The following FAM193A variants were observed in gnomAD, a reference collection of about 807,000 sequenced individuals.
The protein encoded by FAM193A is family with sequence similarity 193 member A.
A neutral mutation model predicts 126.5 loss-of-function variants in FAM193A; 22 were observed. The observed-to-expected ratio is 0.17, with a 90% CI of 0.12 to 0.25. FAM193A has a LOEUF of 0.25. FAM193A is among the 10% of genes least tolerant of loss of function. The probability of loss-of-function intolerance (pLI) is 1.00; values close to 1 mark genes in which losing one functional copy is unlikely to be tolerated. For missense variants in FAM193A, 1,675 were observed against 1,672.8 expected, an observed-to-expected ratio of 1.00 and a Z score of -0.02; for synonymous variants, 761 against 646.8, an observed-to-expected ratio of 1.18 and a Z score of -2.68.
Position 2,590,472 on chromosome 4 carries a change from A to C in FAM193A, c.256-5612A>C, listed in dbSNP as rs1378210698. Reference sequence around the variant, plus strand: ...GAGCGAGACTCCATCTCAAAAAAAAAAAACAAAAAAAAACAAAAAAAAACA... The same window carrying C: ...GAGCGAGACTCCATCTCAAAAAAAACAAACAAAAAAAAACAAAAAAAAACA... On this transcript the variant is annotated intron_variant, in intron 1 of 20. Transcript: ENST00000637812. 1.3e-3 allele frequency among the ~76,000 whole-genome samples: 107 copies of C among 85,500 alleles called. 7 individuals are homozygous for C. The highest frequency in any genetic ancestry group is 3.3e-3 in the African/African-American group (46 of 14,084). The allele number at this position is 85,500 out of a possible 152,430, so 56.1% of individuals were successfully genotyped here. A position where few individuals can be genotyped will look rare whatever the true frequency, so the allele number is the denominator to read the frequency against.
Position 2,696,431 on chromosome 4 carries a change from G to A in FAM193A, c.3345G>A (p.Lys1115=). ...MREKLRLRLT[K]RKEEQPKKMD... ...AAAAGCTTCGCTTACGGCTGACCAA[G>A]AGGAAAGAGGAGCAACCTAAAAAAA... The change falls in exon 18 of 21, where the codon AAG becomes AAA. Residue 1115 remains lysine, a synonymous_variant. Coordinates refer to ENST00000637812, the MANE Select transcript of FAM193A (RefSeq NM_001366318.2). 3 of 1,614,222 alleles carry A rather than the reference G, an allele frequency of 1.9e-6. No homozygotes were observed.
intron 7 of FAM193A, among the ~76,000 whole-genome samples, chr4:2,656,039 G>A (rs925091992): frequency 1.3e-5 from 2 of 152,068 alleles, no homozygotes; most frequent in African/African-American, 4.8e-5. Context: ...CTCCTGCTTT[G>A]GCCTACCAAA....
At chr4:2,552,832 C>G (rs142862308) in intron 1 of FAM193A, among the ~76,000 whole-genome samples, 1 of 149,506 alleles carries the variant, frequency 6.7e-6, no homozygotes, top group Non-Finnish European at 1.5e-5. Flanking sequence ...CCACCGCGCC[C>G]GGCCACAGAA....
chr4:2,697,588 A>G (rs558050244), intron 18 of FAM193A, among the ~76,000 whole-genome samples: 1 of 152,290 alleles, frequency 6.6e-6, no homozygotes, highest in South Asian at 2.1e-4. Flanking sequence ...GTCAGGCAAA[A>G]AGGTGAGGAA....
At chr4:2,621,057 C>T (rs998442321) in intron 2 of FAM193A, among the ~76,000 whole-genome samples, 7 of 151,988 alleles carry the variant, frequency 4.6e-5, no homozygotes, top group African/African-American at 1.7e-4. Flanking sequence ...TCCCTGAGGT[C>T]CTGCAGGCTG....
At chr4:2,623,155 C>T (rs1560489097) in intron 2 of FAM193A, among the ~76,000 whole-genome samples, 4 of 152,022 alleles carry the variant, frequency 2.6e-5, no homozygotes, top group African/African-American at 2.4e-5. Flanking sequence ...GTGCTGGCGG[C>T]AGCTGAGCTG....
intron 7 of FAM193A, among the ~76,000 whole-genome samples, chr4:2,650,515 CA>C (rs1455265681): frequency 1.3e-5 from 2 of 152,174 alleles, no homozygotes; most frequent in Non-Finnish European, 2.9e-5. Context: ...TAGGGGAAGC[CA>C]AGACCACCCT....
At chr4:2,621,433 G>T in intron 2 of FAM193A, among the ~76,000 whole-genome samples, 1 of 152,174 alleles carries the variant, frequency 6.6e-6, no homozygotes, top group East Asian at 1.9e-4. Context: ...CACTGACTAA[G>T]GGTACGAGGC....
At chr4:2,573,621 G>C (rs750643394) in intron 1 of FAM193A, among the ~76,000 whole-genome samples, 6 of 152,026 alleles carry the variant, frequency 3.9e-5, no homozygotes, top group Non-Finnish European at 7.4e-5. Context: ...CCGTGGCTGC[G>C]GTCCCTCAGT....
intron 16 of FAM193A, 137 bp from the exon 17 acceptor site, chr4:2,694,809 T>C (rs1358840084): frequency 3.5e-5 from 23 of 665,872 alleles, no homozygotes; most frequent in Non-Finnish European, 5.1e-5. Flanking sequence ...GACTCCCTAG[T>C]AACCCTGGGA....
chr4:2,727,862 G>A (rs1257928777), intron 20 of FAM193A, among the ~76,000 whole-genome samples: 1 of 151,854 alleles, frequency 6.6e-6, no homozygotes, highest in Non-Finnish European at 1.5e-5. Flanking sequence ...AGTTCAGGCC[G>A]AAGTGAAGTG....
intron 19 of FAM193A, among the ~76,000 whole-genome samples, chr4:2,704,033 C>T (rs1208303407): frequency 5.3e-5 from 8 of 151,550 alleles, no homozygotes; most frequent in Non-Finnish European, 1.0e-4. Flanking sequence ...GTTGGGAGGC[C>T]GAGGGAGGCG....
At chr4:2,650,418 G>A (rs1745543092) in intron 7 of FAM193A, among the ~76,000 whole-genome samples, 1 of 152,164 alleles carries the variant, frequency 6.6e-6, no homozygotes, top group Non-Finnish European at 1.5e-5. Context: ...AAAACAGAAG[G>A]CGAGGGGCCG....
chr4:2,631,079 G>T lies in FAM193A; in HGVS notation c.948G>T (p.Pro316=), dbSNP rs754335021. The T allele has an allele frequency of 4.2e-5, 67 of 1,613,696 alleles. No homozygotes were observed. Among genetic ancestry groups the T allele is most frequent in the Non-Finnish European group, 5.7e-5 (67 of 1,179,994 alleles). Residue 316 remains proline (P), a synonymous_variant, in exon 5 of 21, where the codon CCG becomes CCT. Coordinates refer to ENST00000637812, the MANE Select transcript of FAM193A (RefSeq NM_001366318.2). ...VKAPSGLQGP[P]QAHQFISLLL... ...CACCATCTGGCCTGCAGGGCCCGCC[G>T]CAAGCGCACCAGTTCATCTCCCTCC...
intron 2 of FAM193A, 33 bp downstream of exon 2, chr4:2,596,362 G>A (rs767737044): frequency 1.6e-5 from 11 of 692,548 alleles, no homozygotes; most frequent in Middle Eastern, 3.3e-4. Flanking sequence ...AGCGCAGGGC[G>A]TTGGCTCCCC....
chr4:2,642,728 C>A (rs1260264595), intron 6 of FAM193A, among the ~76,000 whole-genome samples: 1 of 150,588 alleles, frequency 6.6e-6, no homozygotes, highest in African/African-American at 2.5e-5. Flanking sequence ...CATAAAACTC[C>A]CATCTTTTTT....
intron 1 of FAM193A, among the ~76,000 whole-genome samples, chr4:2,547,590 GTGTGTGTGTGTGTC>G (rs1737643047): frequency 6.8e-6 from 1 of 147,526 alleles, no homozygotes; most frequent in South Asian, 2.1e-4. Context: ...ACCTTAGTAT[GTGTGTGTGTGTGTC>G]TGTGTGTGTG....
rs33958851 is a variant in FAM193A, at chr4:2,664,558, C to CTTTTTTT, written c.2079+1290_2079+1296dup. Among the ~76,000 whole-genome samples the CTTTTTTT allele has an allele frequency of 2.0e-3, 145 of 73,102 alleles. 6 individuals are homozygous for CTTTTTTT. Among genetic ancestry groups the CTTTTTTT allele is most frequent in the East Asian group, 2.9e-3 (7 of 2,432 alleles). 48.0% of individuals were successfully genotyped at this position (73,102 alleles called of 152,430 possible). A position where few individuals can be genotyped will look rare whatever the true frequency, so the allele number is the denominator to read the frequency against. ...ACCTTTCTCTCTCTCTATTTTCTTT[C>CTTTTTTT]TTTTTTTTTTTTTTTTTTTTTTTTT... On this transcript the variant is annotated intron_variant, in intron 12 of 20. Transcript: ENST00000637812.
intron 1 of FAM193A, among the ~76,000 whole-genome samples, chr4:2,537,727 C>T (rs1266162384): frequency 1.3e-5 from 2 of 152,186 alleles, no homozygotes; most frequent in East Asian, 3.9e-4. Context: ...GGAAGTTTTC[C>T]TTTGGTCCTC....
Sources: allele counts gnomAD v4.1 joint callset (sites outside exome capture counted in the v4.1 genomes callset), GRCh38; gene constraint gnomAD v4.1.1; transcripts MANE v1.5; gene names NCBI Gene and HGNC (gene_info 2026-07-23, HGNC 2026-07-21).